SPOCK3: variants seen among roughly 807,000 people sequenced by gnomAD.
SPOCK3 encodes SPARC (osteonectin), cwcv and kazal like domains proteoglycan 3.
A neutral mutation model predicts 56.6 loss-of-function variants in SPOCK3; 30 were observed. That is an observed-to-expected ratio of 0.53 (90% CI 0.40 to 0.72). The LOEUF is 0.72. Ranked by LOEUF, SPOCK3 falls within the 30% of genes least tolerant of loss-of-function variation. The pLI is 0.00. For synonymous variants in SPOCK3, 196 were observed against 183.3 expected (o/e 1.07, Z -0.56); for missense variants, 527 against 530.0 (o/e 0.99, Z 0.06).
intron 2 of SPOCK3, among the ~76,000 whole-genome samples, chr4:167,138,013 C>A (rs951586963): frequency 1.3e-5 from 2 of 151,596 alleles, no homozygotes; most frequent in Non-Finnish European, 3.0e-5. Context: ...TTTAAATAAT[C>A]TTAAATTTAT....
intron 7 of SPOCK3, among the ~76,000 whole-genome samples, chr4:166,784,329 T>C (rs1206537730): frequency 6.6e-6 from 1 of 152,160 alleles, no homozygotes; most frequent in Admixed American, 6.6e-5. Flanking sequence ...GCAATACTTT[T>C]AAACTACATG....
At position 166,778,459 on chromosome 4, in the gene SPOCK3, C is replaced by A. The variant is rs10031725; in HGVS notation, c.709+13711G>T. ...ATGACTGAATTGTCCTCACTAATGA[C>A]AGTTTAATATTTTTAAAGTACTGTA... On this transcript the variant is annotated intron_variant, in intron 7 of 10. Coordinates refer to ENST00000357545, the MANE Select transcript of SPOCK3 (RefSeq NM_001040159.2). Among the ~76,000 whole-genome samples, 1,104 of 152,166 alleles carry A rather than the reference C, an allele frequency of 7.3e-3. 16 individuals are homozygous for A. The highest frequency in any genetic ancestry group is 0.025 in the African/African-American group (1,048 of 41,516).
intron 4 of SPOCK3, 61 bp from the exon 5 acceptor site, chr4:166,912,804 A>G (rs1047634277): frequency 5.0e-5 from 70 of 1,407,188 alleles, no homozygotes; most frequent in Non-Finnish European, 6.6e-5. Context: ...CATTTATATT[A>G]GCTCATTCCT....
chr4:166,950,199 T>A (rs1742370712), intron 4 of SPOCK3, among the ~76,000 whole-genome samples: 1 of 151,748 alleles, frequency 6.6e-6, no homozygotes, highest in Non-Finnish European at 1.5e-5. Context: ...CCATCTCATG[T>A]GCAGAGACAC....
intron 4 of SPOCK3, among the ~76,000 whole-genome samples, chr4:166,976,307 C>T (rs970560433): frequency 2.6e-5 from 4 of 152,078 alleles, no homozygotes; most frequent in Non-Finnish European, 5.9e-5. Flanking sequence ...AAGCTCAATT[C>T]TTTTTTTACT....
chr4:166,750,703 G>A (rs1736262745), intron 8 of SPOCK3, among the ~76,000 whole-genome samples: 2 of 152,056 alleles, frequency 1.3e-5, no homozygotes, highest in South Asian at 4.1e-4. Flanking sequence ...CAGTAACAAT[G>A]CACTTTTATT....
chr4:166,921,976 G>T (rs1738545605), intron 4 of SPOCK3, among the ~76,000 whole-genome samples: 1 of 152,162 alleles, frequency 6.6e-6, no homozygotes, highest in East Asian at 1.9e-4. Flanking sequence ...GCCGTCACCT[G>T]TTAGGAACCG....
chr4:166,897,469 T>C (rs1735516086), intron 5 of SPOCK3, among the ~76,000 whole-genome samples: 1 of 152,208 alleles, frequency 6.6e-6, no homozygotes. Flanking sequence ...TGGGATTGTT[T>C]GCAGTCTTTT....
intron 2 of SPOCK3, among the ~76,000 whole-genome samples, chr4:167,222,176 T>C (rs182350405): frequency 1.3e-5 from 2 of 152,186 alleles, no homozygotes; most frequent in East Asian, 3.9e-4. Flanking sequence ...AACTTGAGGA[T>C]GTTATGCTAA....
At chr4:167,009,438 A>C (rs554514670) in intron 3 of SPOCK3, among the ~76,000 whole-genome samples, 1 of 152,310 alleles carries the variant, frequency 6.6e-6, no homozygotes, top group East Asian at 1.9e-4. Flanking sequence ...TAAAACTCCA[A>C]GTCTTTTTCC....
Position 167,213,165 on chromosome 4 carries a change from G to T in SPOCK3, c.189+20820C>A, listed in dbSNP as rs141477343. Among the ~76,000 whole-genome samples the T allele has an allele frequency of 1.2e-4, 19 of 152,320 alleles. No homozygotes were observed. In the East Asian group the frequency reaches 3.7e-3, roughly 29 times the overall value. The stretch of plus-strand genomic sequence containing the variant: ...TATGCTAATTGATGGCAAAGTAAAT[G>T]GCAAAGTTGCTTTTCTAGGCCTCAG... On this transcript the variant is annotated intron_variant, in intron 2 of 10. Transcript: ENST00000357545.
intron 7 of SPOCK3, among the ~76,000 whole-genome samples, chr4:166,766,685 C>G (rs1009026406): frequency 1.5e-4 from 23 of 152,194 alleles, no homozygotes; most frequent in African/African-American, 5.3e-4. Context: ...TTTGGTATCA[C>G]AATGATGCTG....
intron 8 of SPOCK3, among the ~76,000 whole-genome samples, chr4:166,747,846 A>C (rs199679742): frequency 0.46 from 69,066 of 151,040 alleles, 16,276 homozygotes; most frequent in African/African-American, 0.51. Context: ...CAATAACAGA[A>C]AAACAGAGAG....
At chr4:167,209,857 G>GA (rs991751031) in intron 2 of SPOCK3, among the ~76,000 whole-genome samples, 2 of 152,008 alleles carry the variant, frequency 1.3e-5, no homozygotes, top group African/African-American at 4.8e-5. Context: ...GACATCATGG[G>GA]AAAAAAAGCA....
rs1733800661 is a variant in SPOCK3 at position 167,204,198 on chromosome 4, G to A, written c.189+29787C>T. ...CCTTCCCAATGGCTGGAATATAGAT[G>A]TCGTGGCACAAGGAGGGTGGCTATC... On this transcript the variant is annotated intron_variant, in intron 2 of 10. Coordinates refer to ENST00000357545, the MANE Select transcript of SPOCK3 (RefSeq NM_001040159.2). 1.3e-5 allele frequency among the ~76,000 whole-genome samples: 2 copies of A among 151,886 alleles called. 1 individual carries two copies. Among genetic ancestry groups the A allele is most frequent in the South Asian group, 4.2e-4 (2 of 4,812 alleles).
chr4:166,738,625 C>G (rs912053177), intron 9 of SPOCK3, among the ~76,000 whole-genome samples: 1 of 106,030 alleles, frequency 9.4e-6, no homozygotes, highest in Non-Finnish European at 1.9e-5. Flanking sequence ...CCCCCTCCCC[C>G]CACCCCACAA....
intron 6 of SPOCK3, among the ~76,000 whole-genome samples, chr4:166,884,413 G>A (rs966881383): frequency 1.3e-5 from 2 of 151,474 alleles, no homozygotes; most frequent in Non-Finnish European, 2.9e-5. Context: ...TCAGGCTAAA[G>A]GATTGTACTG....
At chr4:166,765,507 T>C (rs996799452) in intron 7 of SPOCK3, among the ~76,000 whole-genome samples, 9 of 152,076 alleles carry the variant, frequency 5.9e-5, no homozygotes, top group Non-Finnish European at 4.4e-5. Flanking sequence ...AGATGTGTGG[T>C]ATTATTTCTG....
At chr4:167,095,627 C>T (rs1759084830) in intron 2 of SPOCK3, among the ~76,000 whole-genome samples, 1 of 151,876 alleles carries the variant, frequency 6.6e-6, no homozygotes, top group South Asian at 2.1e-4. Flanking sequence ...TCAATTACTA[C>T]TCACCCATGG....
Sources: gnomAD v4.1 joint callset for allele counts (sites outside exome capture counted in the v4.1 genomes callset) on GRCh38, gnomAD v4.1.1 for gene constraint, MANE v1.5 for transcripts, NCBI Gene and HGNC (gene_info 2026-07-23, HGNC 2026-07-21) for gene names.